Variants in SEMA5B observed in about 807,000 individuals in gnomAD.
SEMA5B encodes semaphorin-5B.
Under a neutral mutation model 135.0 loss-of-function variants are expected in SEMA5B, and 66 were observed. The ratio of observed to expected loss-of-function variants is 0.49; its 90% CI spans 0.40 to 0.60. SEMA5B has a LOEUF of 0.60. SEMA5B is among the 20% of genes least tolerant of loss of function. SEMA5B has a pLI of 0.00. For missense variants in SEMA5B, 1,501 were observed against 1,566.3 expected, an observed-to-expected ratio of 0.96 and a Z score of 0.70; for synonymous variants, 690 against 639.5, an observed-to-expected ratio of 1.08 and a Z score of -1.19.
chr3:122,916,995 T>C (rs777577589), intron 12 of SEMA5B, among the ~76,000 whole-genome samples: 6 of 152,234 alleles, frequency 3.9e-5, no homozygotes, highest in Non-Finnish European at 8.8e-5. Flanking sequence ...CTTCATGTAA[T>C]TTTTTAACAG....
chr3:123,008,927 G>A (rs1401371524), intron 1 of SEMA5B, among the ~76,000 whole-genome samples: 3 of 152,188 alleles, frequency 2.0e-5, no homozygotes, highest in Non-Finnish European at 4.4e-5. Flanking sequence ...TGTCACCAAA[G>A]GACAGCCCAA....
chr3:122,945,402 T>C (rs915509385), intron 3 of SEMA5B, among the ~76,000 whole-genome samples: 1 of 152,058 alleles, frequency 6.6e-6, no homozygotes, highest in Admixed American at 6.5e-5. Flanking sequence ...TGGATAAATA[T>C]TACATTACCT....
At chr3:122,997,518 T>TCCCCC (rs1553785271) in intron 1 of SEMA5B, among the ~76,000 whole-genome samples, 6 of 142,760 alleles carry the variant, frequency 4.2e-5, no homozygotes, top group Admixed American at 1.4e-4. Flanking sequence ...CCCAGGCCTC[T>TCCCCC]CCCCCCCCCG....
intron 4 of SEMA5B, among the ~76,000 whole-genome samples, chr3:122,942,075 A>T (rs1266047591): frequency 6.6e-6 from 1 of 152,152 alleles, no homozygotes; most frequent in East Asian, 1.9e-4. Flanking sequence ...CCTGCTTTTC[A>T]CCATATACTC....
Position 122,928,519 on chromosome 3 carries a change from G to C in SEMA5B, c.634C>G (p.Gln212Glu). 1.3e-6 allele frequency: 2 copies of C among 1,557,120 alleles called. No homozygotes were observed. The highest frequency in any genetic ancestry group is 1.7e-6 in the Non-Finnish European group (2 of 1,150,290). ...CTCCTCCACCCTGAGGTGCCCACCT[G>C]TCTGCTGGTGCACATGGGGGAAAAG... ...NAFSPMCTSRQVGNLSRTIEK... is the reference protein window; with the variant it reads ...NAFSPMCTSREVGNLSRTIEK... The change falls in exon 7 of 23, where the codon CAG becomes GAG. Residue 212 changes from glutamine (Q) to glutamate (E), a missense_variant and splice_region_variant. Physicochemically the swap from Gln to Glu is conservative, Grantham distance 29 (BLOSUM62 2). This residue lies in a region of SEMA5B where 574 missense variants were observed against 684.7 expected (regional missense o/e 0.84). Coordinates refer to ENST00000357599, the MANE Select transcript of SEMA5B (RefSeq NM_001031702.4).
intron 3 of SEMA5B, among the ~76,000 whole-genome samples, chr3:122,947,189 C>T (rs1939825637): frequency 6.6e-6 from 1 of 152,186 alleles, no homozygotes; most frequent in African/African-American, 2.4e-5. Context: ...CAGTGACAGC[C>T]ACCAGCACTC....
intron 10 of SEMA5B, among the ~76,000 whole-genome samples, chr3:122,922,983 A>C (rs1053336854): frequency 6.6e-6 from 1 of 152,206 alleles, no homozygotes; most frequent in Non-Finnish European, 1.5e-5. Flanking sequence ...AAGGAGACTG[A>C]AGGAGGTTGG....
chr3:122,923,511 C>A, intron 10 of SEMA5B, 106 bp downstream of exon 10: 27 of 1,272,064 alleles, frequency 2.1e-5, no homozygotes, highest in Non-Finnish European at 3.0e-5. Context: ...CTGGCAGGGA[C>A]GGGTCTGGTG....
chr3:122,982,591 G>GT (rs1330691998), intron 1 of SEMA5B, among the ~76,000 whole-genome samples: 1 of 152,092 alleles, frequency 6.6e-6, no homozygotes, highest in Non-Finnish European at 1.5e-5. Context: ...TTTTTATTTG[G>GT]TTTTTTCAAG....
intron 1 of SEMA5B, among the ~76,000 whole-genome samples, chr3:122,985,090 G>C (rs1212114750): frequency 1.3e-5 from 2 of 152,156 alleles, no homozygotes; most frequent in Non-Finnish European, 2.9e-5. Flanking sequence ...ATATAATGAT[G>C]CAACTTGTTT....
In SEMA5B at chr3:122,913,588, C is replaced by T. The variant is rs1177826676; in HGVS notation, c.2226G>A (p.Met742Ile). The T allele has an allele frequency of 1.9e-6, 3 of 1,613,372 alleles. No homozygotes were observed. Among genetic ancestry groups the T allele is most frequent in the Non-Finnish European group, 8.5e-7 (1 of 1,179,944 alleles). Residue 742 changes from methionine (M) to isoleucine (I), a missense_variant, in exon 16 of 23, where the codon ATG (methionine) becomes ATA (isoleucine). Met to Ile is a conservative substitution (Grantham distance 10, BLOSUM62 1). Transcript: ENST00000357599. ...SKCSSNCGGG[M>I]QSRRRACENG... ...TCTCGCAGGCCCGACGCCGCGACTG[C>T]ATGCCCCCTCCACAGTTGCTGCTGC... is the stretch of plus-strand genomic sequence containing the variant.
chr3:122,913,878 C>A lies in SEMA5B; in HGVS notation c.2112G>T (p.Val704=). The A allele has an allele frequency of 6.2e-7, 1 of 1,610,174 alleles. No individual in the cohort carries two copies. Among genetic ancestry groups the A allele is most frequent in the Non-Finnish European group, 8.5e-7 (1 of 1,178,244 alleles). The change falls in exon 15 of 23, where the codon GTG becomes GTT. Residue 704 remains valine, a synonymous_variant. Transcript: ENST00000357599. The stretch of plus-strand genomic sequence containing the variant: ...CTCACCGTTCCTCCCGGCTCTTGCC[C>A]ACGCAGATGCGGCCCCCGTGGCGGG... ...PAPRHGGRIC[V]GKSREERFCN... is the part of the protein sequence containing the mutation.
chr3:122,914,474 G>T (rs1056778230), intron 14 of SEMA5B, among the ~76,000 whole-genome samples: 1 of 152,106 alleles, frequency 6.6e-6, no homozygotes, highest in African/African-American at 2.4e-5. Context: ...TTCAAATCTG[G>T]GCTCTACCAT....
intron 1 of SEMA5B, among the ~76,000 whole-genome samples, chr3:123,009,237 G>A (rs938899436): frequency 1.3e-5 from 2 of 152,148 alleles, no homozygotes; most frequent in Non-Finnish European, 2.9e-5. Flanking sequence ...CTCAGTGCAG[G>A]GAGCGGGGGT....
intron 1 of SEMA5B, among the ~76,000 whole-genome samples, chr3:122,967,295 C>G (rs1287828471): frequency 6.6e-6 from 1 of 152,018 alleles, no homozygotes; most frequent in Non-Finnish European, 1.5e-5. Flanking sequence ...TGGTGAAGGA[C>G]CTTAGATTTC....
At chr3:123,006,524 A>G (rs1010140436) in intron 1 of SEMA5B, among the ~76,000 whole-genome samples, 1 of 152,206 alleles carries the variant, frequency 6.6e-6, no homozygotes. Context: ...TATTTTAAAC[A>G]ACAACCTTCT....
chr3:122,910,742 A>G (rs7622250), intron 22 of SEMA5B, 98 bp downstream of exon 22: 758,818 of 974,940 alleles, frequency 0.78, 303,353 homozygotes, highest in Non-Finnish European at 0.84. Flanking sequence ...CCCGGGAGGC[A>G]GAGCTTGCAA....
At chr3:122,911,435 T>C (rs1404138126) in intron 21 of SEMA5B, 56 bp downstream of exon 21, 2 of 1,580,480 alleles carry the variant, frequency 1.3e-6, no homozygotes, top group Non-Finnish European at 1.7e-6. Context: ...GACTTTGGAG[T>C]GGGGTGCCGG....
chr3:122,912,846 G>A lies in SEMA5B; in HGVS notation c.2722C>T (p.Pro908Ser). Residue 908 changes from proline (P) to serine (S), a missense_variant, in exon 18 of 23, where the codon CCA (proline) becomes TCA (serine). Around this residue, in one of 2 missense-constraint regions of SEMA5B, gnomAD observed 927 missense variants for 881.6 expected, o/e 1.05. Coordinates refer to ENST00000357599, the MANE Select transcript of SEMA5B (RefSeq NM_001031702.4). ...GATTCCTTCCGTGCAGGGTTACCTG[G>A]GCAAGCCTGGGGGTTGCAGTCCTGG... is the stretch of plus-strand genomic sequence containing the variant. ...EYQDCNPQAC[P>S]VRGAWSCWTS... The A allele has an allele frequency of 6.3e-7, 1 of 1,574,882 alleles. No individual in the cohort carries two copies. The highest frequency in any genetic ancestry group is 8.6e-7 in the Non-Finnish European group (1 of 1,158,586).
Sources: gnomAD v4.1 joint callset for allele counts (sites outside exome capture counted in the v4.1 genomes callset) on GRCh38, gnomAD v4.1.1 for gene constraint, gnomAD v4.1.1 regional missense constraint, MANE v1.5 for transcripts, NCBI Gene and HGNC (gene_info 2026-07-23, HGNC 2026-07-21) for gene names.